The following TMC1 variants were observed in gnomAD, a reference collection of about 807,000 sequenced individuals.
TMC1 encodes the protein transmembrane channel like 1, also known as transmembrane channel-like protein 1.
TMC1 carries 84 observed loss-of-function variants against 105.8 expected under a neutral mutation model. That is an observed-to-expected ratio of 0.79 (90% confidence interval 0.67 to 0.95). The LOEUF (loss-of-function observed/expected upper bound fraction) is 0.95. Ranked by LOEUF, TMC1 falls within the 40% of genes least tolerant of loss-of-function variation. The pLI is 0.00. For missense variants in TMC1, 817 were observed against 914.1 expected, an observed-to-expected ratio of 0.89 and a Z score of 1.37; for synonymous variants, 315 against 311.5, an observed-to-expected ratio of 1.01 and a Z score of -0.12.
intron 17 of TMC1, among the ~76,000 whole-genome samples, chr9:72,803,827 T>C (rs1263436197): frequency 6.6e-6 from 1 of 152,176 alleles, no homozygotes; most frequent in Non-Finnish European, 1.5e-5. Context: ...AGTGTGGCAA[T>C]TCCTTAAAGA....
At chr9:72,752,599 G>A (rs531989580) in intron 11 of TMC1, among the ~76,000 whole-genome samples, 2 of 152,210 alleles carry the variant, frequency 1.3e-5, no homozygotes, top group South Asian at 4.1e-4. Context: ...GTCAGCTGAG[G>A]CCAAAAAGCT....
intron 7 of TMC1, among the ~76,000 whole-genome samples, chr9:72,699,296 C>T (rs1826602859): frequency 6.6e-6 from 1 of 152,088 alleles, no homozygotes; most frequent in South Asian, 2.1e-4. Flanking sequence ...GAACTAAATT[C>T]CTTTGAAGAT....
intron 14 of TMC1, 62 bp downstream of exon 14, chr9:72,788,545 C>T: frequency 1.3e-6 from 2 of 1,541,550 alleles, no homozygotes; most frequent in Non-Finnish European, 1.8e-6. Context: ...TGGAGGCATT[C>T]CATCTGGTCC....
chr9:72,681,607 A>G (rs1193118864), intron 5 of TMC1, among the ~76,000 whole-genome samples: 1 of 152,080 alleles, frequency 6.6e-6, no homozygotes, highest in Non-Finnish European at 1.5e-5. Context: ...AACCCACTTC[A>G]CTCAGCCTGT....
At chr9:72,565,753 A>C (rs184854413) in intron 1 of TMC1, among the ~76,000 whole-genome samples, 1 of 152,202 alleles carries the variant, frequency 6.6e-6, no homozygotes, top group Non-Finnish European at 1.5e-5. Context: ...CACATCTTAC[A>C]TGGTGGCAGG....
At chr9:72,642,427 G>A (rs773705773) in intron 4 of TMC1, among the ~76,000 whole-genome samples, 1 of 152,154 alleles carries the variant, frequency 6.6e-6, no homozygotes, top group South Asian at 2.1e-4. Flanking sequence ...TTTAAGGCAA[G>A]AACTTAAACG....
chr9:72,707,883 A>G (rs946319091), intron 8 of TMC1, among the ~76,000 whole-genome samples: 1 of 152,206 alleles, frequency 6.6e-6, no homozygotes, highest in Non-Finnish European at 1.5e-5. Flanking sequence ...CAGAATTTTT[A>G]TAGTTTCAAG....
Position 72,805,419 on chromosome 9 carries a change from C to T in TMC1, c.1604C>T (p.Thr535Ile). ...CTGACAGTCTCTGATGTTCTGACCA[C>T]CTACGTCACAATCCTCATTGGGGAC... is the stretch of plus-strand genomic sequence containing the variant. ...VRLTVSDVLTTYVTILIGDFL... is the reference protein window; with the variant it reads ...VRLTVSDVLTIYVTILIGDFL... The change falls in exon 18 of 24, where the codon ACC (threonine) becomes ATC (isoleucine). Residue 535 changes from threonine (T) to isoleucine (I), a missense_variant. By Grantham distance (89) the Thr-to-Ile change is moderately conservative. Transcript: ENST00000297784. 1.9e-6 allele frequency: 3 copies of T among 1,613,872 alleles called. No homozygotes were observed. Among genetic ancestry groups the T allele is most frequent in the Non-Finnish European group, 2.5e-6 (3 of 1,179,926 alleles).
intron 2 of TMC1, among the ~76,000 whole-genome samples, chr9:72,590,828 T>C (rs1458268343): frequency 6.6e-6 from 1 of 152,128 alleles, no homozygotes; most frequent in Non-Finnish European, 1.5e-5. Flanking sequence ...TAAGAGGGTG[T>C]GTTAATTGTC....
intron 2 of TMC1, among the ~76,000 whole-genome samples, chr9:72,590,580 A>C (rs1824622238): frequency 1.3e-5 from 2 of 152,150 alleles, no homozygotes; most frequent in African/African-American, 2.4e-5. Flanking sequence ...ACACTAATTA[A>C]TGCTCACCTC....
In TMC1 at chr9:72,634,104, G is replaced by A. The variant is rs77022845; in HGVS notation, c.-53+6041G>A. ...TTTGGCAGACAGGGGACTAGGGAAC[G>A]AGTGCTGCTGATGAGTTGTGGATGA... On this transcript the variant is annotated intron_variant, in intron 4 of 23. Transcript: ENST00000297784. 8.4e-3 allele frequency among the ~76,000 whole-genome samples: 1,286 copies of A among 152,246 alleles called. 16 individuals are homozygous for A. Among genetic ancestry groups the A allele is most frequent in the Non-Finnish European group, 0.014 (985 of 68,028 alleles).
At position 72,836,610 on chromosome 9, in the gene TMC1, TGG is replaced by T. The variant is rs1829129940; in HGVS notation, c.*638_*639del. 6.5e-6 allele frequency: 1 copy of T among 152,728 alleles called. No homozygotes were observed. Among genetic ancestry groups the T allele is most frequent in the Admixed American group, 6.5e-5 (1 of 15,382 alleles). 9.5% of individuals were successfully genotyped at this position (152,728 alleles called of 1,614,324 possible). On this transcript the variant is annotated 3_prime_UTR_variant, in exon 24 of 24. Coordinates refer to ENST00000297784, the MANE Select transcript of TMC1 (RefSeq NM_138691.3). ...AAAAAATCCTATATGAATTGGGGCCTGGATAGCACTGAGTTGAAGATCTTGAA... is the reference window on the plus strand; with the variant it reads ...AAAAAATCCTATATGAATTGGGGCCTATAGCACTGAGTTGAAGATCTTGAA...
intron 8 of TMC1, among the ~76,000 whole-genome samples, chr9:72,719,594 A>T (rs995351726): frequency 6.6e-6 from 1 of 152,140 alleles, no homozygotes; most frequent in Non-Finnish European, 1.5e-5. Flanking sequence ...TGGTCTGTGG[A>T]TTCTCTTGAC....
intron 4 of TMC1, among the ~76,000 whole-genome samples, chr9:72,639,377 A>G (rs149747104): frequency 1.5e-3 from 231 of 152,352 alleles, no homozygotes; most frequent in African/African-American, 5.3e-3. Flanking sequence ...ATTAATAAAT[A>G]TAAGACATTT....
chr9:72,571,743 A>T (rs1824289907), intron 1 of TMC1, among the ~76,000 whole-genome samples: 1 of 152,140 alleles, frequency 6.6e-6, no homozygotes, highest in Admixed American at 6.5e-5. Flanking sequence ...GAATGTTTAT[A>T]TTCATAGTAT....
intron 1 of TMC1, among the ~76,000 whole-genome samples, chr9:72,535,054 GA>G (rs1554709595): frequency 0.55 from 68,923 of 125,604 alleles, 16,884 homozygotes; most frequent in South Asian, 0.64. Flanking sequence ...TAGAGAGAGA[GA>G]AAAAAAAAAA....
At chr9:72,826,543 A>T (rs1828959220) in intron 20 of TMC1, among the ~76,000 whole-genome samples, 1 of 152,248 alleles carries the variant, frequency 6.6e-6, no homozygotes, top group Non-Finnish European at 1.5e-5. Context: ...AGAGCAGCTG[A>T]CTGAGAGGCA....
At chr9:72,533,731 C>T (rs1302581375) in intron 1 of TMC1, among the ~76,000 whole-genome samples, 1 of 152,198 alleles carries the variant, frequency 6.6e-6, no homozygotes. Context: ...GACTTAAACA[C>T]TTCTGCTCCT....
intron 20 of TMC1, among the ~76,000 whole-genome samples, chr9:72,824,413 C>T (rs1828921103): frequency 6.6e-6 from 1 of 152,184 alleles, no homozygotes; most frequent in Admixed American, 6.5e-5. Flanking sequence ...AGCTCTTGTC[C>T]AGCATCCAAG....
Sources: gnomAD v4.1 joint callset for allele counts (sites outside exome capture counted in the v4.1 genomes callset) on GRCh38, gnomAD v4.1.1 for gene constraint, MANE v1.5 for transcripts, NCBI Gene and HGNC (gene_info 2026-07-23, HGNC 2026-07-21) for gene names.